The following TRHDE variants were observed in gnomAD, a reference collection of about 807,000 sequenced individuals.
TRHDE encodes thyrotropin releasing hormone degrading enzyme, also known as thyrotropin-releasing hormone-degrading ectoenzyme.
A neutral mutation model predicts 125.7 loss-of-function variants in TRHDE; 72 were observed. That is an observed-to-expected ratio of 0.57 (90% confidence interval 0.47 to 0.70). The LOEUF (loss-of-function observed/expected upper bound fraction) is 0.70. TRHDE is among the 30% of genes least tolerant of loss of function. TRHDE has a pLI of 0.00. For synonymous variants in TRHDE, 509 were observed against 509.1 expected (o/e 1.00, Z 0.00); for missense variants, 1,110 against 1,327.1 (o/e 0.84, Z 2.54).
intron 2 of TRHDE, among the ~76,000 whole-genome samples, chr12:72,371,018 T>C (rs1045001017): frequency 2.0e-5 from 3 of 152,190 alleles, no homozygotes; most frequent in Non-Finnish European, 4.4e-5. Context: ...TTGCTGGGAT[T>C]ACAGGCGTGA....
intron 10 of TRHDE, among the ~76,000 whole-genome samples, chr12:72,572,253 T>C (rs1478525250): frequency 6.6e-6 from 1 of 152,154 alleles, no homozygotes; most frequent in Non-Finnish European, 1.5e-5. Context: ...AAATATTGCA[T>C]AGAGATACCT....
chr12:72,536,948 G>T (rs1309675745), intron 6 of TRHDE, among the ~76,000 whole-genome samples: 1 of 151,870 alleles, frequency 6.6e-6, no homozygotes, highest in East Asian at 1.9e-4. Context: ...ATTTTTCTAA[G>T]TTCTTGCTAT....
At chr12:72,116,396 A>T (rs554308414) in intron 2 of TRHDE, among the ~76,000 whole-genome samples, 1 of 152,312 alleles carries the variant, frequency 6.6e-6, no homozygotes, top group African/African-American at 2.4e-5. Context: ...TTGCTGGGTC[A>T]AATGGTATTT....
intron 2 of TRHDE, among the ~76,000 whole-genome samples, chr12:72,193,280 G>A (rs1030649776): frequency 6.8e-6 from 1 of 147,370 alleles, no homozygotes; most frequent in Non-Finnish European, 1.5e-5. Context: ...GCCTCAAAAA[G>A]TTTTTTTTTT....
intron 1 of TRHDE, among the ~76,000 whole-genome samples, chr12:72,091,117 TC>T (rs1450438430): frequency 4.6e-5 from 7 of 152,214 alleles, no homozygotes; most frequent in Non-Finnish European, 1.0e-4. Flanking sequence ...CAAGTGATCC[TC>T]CCTCTTCAGC....
intron 2 of TRHDE, among the ~76,000 whole-genome samples, chr12:72,338,459 C>T (rs1340707083): frequency 1.3e-5 from 2 of 152,130 alleles, no homozygotes; most frequent in African/African-American, 2.4e-5. Flanking sequence ...GAGAAAAGAA[C>T]GTATTTGAGA....
At chr12:72,390,207 C>T (rs1036424787) in intron 3 of TRHDE, among the ~76,000 whole-genome samples, 2 of 152,058 alleles carry the variant, frequency 1.3e-5, no homozygotes, top group Admixed American at 1.3e-4. Flanking sequence ...TAGCAAGATA[C>T]GTAATTTGTA....
chr12:72,449,621 C>T (rs1170000070), intron 3 of TRHDE, among the ~76,000 whole-genome samples: 1 of 151,806 alleles, frequency 6.6e-6, no homozygotes, highest in Non-Finnish European at 1.5e-5. Flanking sequence ...ATTGTAGGTC[C>T]TTTGAGCCCC....
chr12:72,408,530 A>G (rs1445077925), intron 3 of TRHDE, among the ~76,000 whole-genome samples: 1 of 152,222 alleles, frequency 6.6e-6, no homozygotes, highest in East Asian at 1.9e-4. Context: ...CCAATCACAC[A>G]CAAATAAACA....
chr12:72,424,707 A>G (rs1466562099), intron 3 of TRHDE, among the ~76,000 whole-genome samples: 1 of 152,086 alleles, frequency 6.6e-6, no homozygotes, highest in Non-Finnish European at 1.5e-5. Flanking sequence ...TCTCTAAATA[A>G]ACTTTCATCA....
intron 6 of TRHDE, among the ~76,000 whole-genome samples, chr12:72,506,304 C>G (rs1264350621): frequency 6.6e-6 from 1 of 151,880 alleles, no homozygotes; most frequent in Non-Finnish European, 1.5e-5. Flanking sequence ...GAGCAAAATC[C>G]TATTTCAAAC....
intron 6 of TRHDE, among the ~76,000 whole-genome samples, chr12:72,504,343 G>A (rs1218054413): frequency 6.1e-5 from 9 of 147,444 alleles, no homozygotes; most frequent in African/African-American, 1.8e-4. Flanking sequence ...TCGCTCTGTC[G>A]CTCAGGCTGG....
intron 3 of TRHDE, among the ~76,000 whole-genome samples, chr12:72,423,906 T>C (rs1874073616): frequency 6.6e-6 from 1 of 152,008 alleles, no homozygotes; most frequent in Non-Finnish European, 1.5e-5. Flanking sequence ...ACTTTGAAGA[T>C]GGAGGGGGAG....
At chr12:72,371,176 T>A (rs1871567183) in intron 2 of TRHDE, among the ~76,000 whole-genome samples, 1 of 152,010 alleles carries the variant, frequency 6.6e-6, no homozygotes, top group Admixed American at 6.6e-5. Flanking sequence ...TCTTGGTAGC[T>A]TCCTGTGTCC....
intron 2 of TRHDE, among the ~76,000 whole-genome samples, chr12:72,250,742 T>G (rs1008431362): frequency 1.3e-5 from 2 of 151,024 alleles, no homozygotes; most frequent in African/African-American, 4.9e-5. Context: ...AGGCCAGAGA[T>G]AGTCTCAAAG....
At chr12:72,655,653 G>C (rs1874680338) in intron 17 of TRHDE, among the ~76,000 whole-genome samples, 1 of 152,026 alleles carries the variant, frequency 6.6e-6, no homozygotes, top group Non-Finnish European at 1.5e-5. Flanking sequence ...TCTTCAAGTG[G>C]ATAGTATAAT....
At chr12:72,584,984 C>T (rs1871380801) in intron 12 of TRHDE, among the ~76,000 whole-genome samples, 2 of 152,024 alleles carry the variant, frequency 1.3e-5, no homozygotes, top group Admixed American at 1.3e-4. Flanking sequence ...ATCTTTTTGT[C>T]ACTATTTTTA....
At chr12:72,251,427 T>C (rs1211041682) in intron 2 of TRHDE, among the ~76,000 whole-genome samples, 1 of 151,380 alleles carries the variant, frequency 6.6e-6, no homozygotes, top group African/African-American at 2.4e-5. Context: ...TGGGGCTTTT[T>C]TTTTTTTTTT....
At chr12:72,116,895 T>C (rs994053098) in intron 2 of TRHDE, among the ~76,000 whole-genome samples, 5 of 152,058 alleles carry the variant, frequency 3.3e-5, no homozygotes, top group African/African-American at 1.2e-4. Flanking sequence ...TGCCTTCTTT[T>C]GAGAAATGTC....
Sources: gnomAD v4.1 joint callset for allele counts (sites outside exome capture counted in the v4.1 genomes callset) on GRCh38, gnomAD v4.1.1 for gene constraint, MANE v1.5 for transcripts, NCBI Gene and HGNC (gene_info 2026-07-23, HGNC 2026-07-21) for gene names.